PPFIA3: variants seen among roughly 807,000 people sequenced by gnomAD.
The protein encoded by PPFIA3 is liprin-alpha-3.
A neutral mutation model predicts 145.8 loss-of-function variants in PPFIA3; 26 were observed. The ratio of observed to expected loss-of-function variants is 0.18; its 90% CI spans 0.13 to 0.25. The LOEUF is 0.25. Among genes scored for constraint, PPFIA3 ranks in the 10% least tolerant of loss-of-function variants. The pLI is 1.00. For missense variants in PPFIA3, 1,008 were observed against 1,587.8 expected (o/e 0.63, Z 6.21); for synonymous variants, 645 against 661.4 (o/e 0.98, Z 0.38).
chr19:49,132,917 A>G (rs2041092327), intron 7 of PPFIA3, 84 bp from the exon 8 acceptor site: 1 of 1,529,566 alleles, frequency 6.5e-7, no homozygotes, highest in African/African-American at 1.4e-5. Context: ...ATGTCAGGGC[A>G]CTTTGTTTCC....
intron 7 of PPFIA3, among the ~76,000 whole-genome samples, chr19:49,132,390 CAAAAAA>C (rs11351172): frequency 3.2e-4 from 14 of 43,672 alleles, no homozygotes; most frequent in South Asian, 2.9e-3. Flanking sequence ...CTCTCTCTCT[CAAAAAA>C]AAAAAAAAAA....
intron 11 of PPFIA3, 80 bp from the exon 12 acceptor site, chr19:49,134,557 CTG>C: frequency 5.4e-6 from 7 of 1,306,070 alleles, no homozygotes; most frequent in Non-Finnish European, 7.8e-6. Flanking sequence ...TCAGGCCTGT[CTG>C]TGTGCACTGG....
In PPFIA3 at chr19:49,133,988, C is replaced by T; in HGVS notation, c.1246-46C>T. 17 of 1,604,874 alleles carry T rather than the reference C, an allele frequency of 1.1e-5. No homozygotes were observed. The highest frequency in any genetic ancestry group is 1.4e-5 in the Non-Finnish European group (16 of 1,175,254). ...TGGGGCTTAGAGGAAGGGCCGTGGT[C>T]TGGGCAGGGTGGGCTTAACAACCCG... On this transcript the variant is annotated intron_variant, in intron 10 of 29. Coordinates refer to ENST00000334186, the MANE Select transcript of PPFIA3 (RefSeq NM_003660.4). The surrounding 1 kb of genome is among the most constrained non-coding windows in gnomAD (Gnocchi z 7.2).
At chr19:49,146,119 GC>G (rs771488033) in intron 22 of PPFIA3, 46 bp from the exon 23 acceptor site, 6 of 1,612,622 alleles carry the variant, frequency 3.7e-6, no homozygotes, top group Non-Finnish European at 4.2e-6. Flanking sequence ...TCCTCTGCCT[GC>G]CCCTTAACTC....
At position 49,135,701 on chromosome 19, in the gene PPFIA3, A is replaced by G. The variant is rs931173065; in HGVS notation, c.1521-78A>G. 9 of 1,436,004 alleles carry G rather than the reference A, an allele frequency of 6.3e-6. No individual in the cohort carries two copies. In the African/African-American group the frequency reaches 1.1e-4, roughly 18 times the overall value. The allele number at this position is 1,436,004 out of a possible 1,614,324, so 89.0% of individuals were successfully genotyped here. Reference sequence around the variant, plus strand: ...CCTTGACTTCAGGACCCCTGGCCCTAGGTCTGTCTCTGTGACCCTTACCTC... The same window carrying G: ...CCTTGACTTCAGGACCCCTGGCCCTGGGTCTGTCTCTGTGACCCTTACCTC... On this transcript the variant is annotated intron_variant, in intron 13 of 29. Coordinates refer to ENST00000334186, the MANE Select transcript of PPFIA3 (RefSeq NM_003660.4).
chr19:49,138,453 C>T, intron 16 of PPFIA3, 26 bp downstream of exon 16: 1 of 1,480,036 alleles, frequency 6.8e-7, no homozygotes, highest in South Asian at 1.4e-5. Context: ...TCTCCCCAGC[C>T]TAGTAGGGGG....
intron 19 of PPFIA3, 81 bp from the exon 20 acceptor site, chr19:49,141,953 A>G (rs376004083): frequency 8.8e-5 from 76 of 863,170 alleles, no homozygotes; most frequent in Middle Eastern, 7.0e-4. Flanking sequence ...GTGTGTGTGT[A>G]TGTGTGCTGA....
intron 16 of PPFIA3, 112 bp from the exon 17 acceptor site, chr19:49,139,556 G>T: frequency 2.9e-6 from 3 of 1,027,386 alleles, no homozygotes; most frequent in Non-Finnish European, 4.1e-6. Flanking sequence ...TTCGTATACT[G>T]TGTTCTAAAC....
chr19:49,135,627 C>T lies in PPFIA3; in HGVS notation c.1521-152C>T, dbSNP rs1323371895. On this transcript the variant is annotated intron_variant, in intron 13 of 29. Coordinates refer to ENST00000334186, the MANE Select transcript of PPFIA3 (RefSeq NM_003660.4). ...TCAAGTTATCTGCCCACCTCAGCCT[C>T]CCAAAGTGCTGGGATTGCAGGCTTG... 8 of 771,366 alleles carry T rather than the reference C, an allele frequency of 1.0e-5. No individual in the cohort carries two copies. In the South Asian group the frequency reaches 1.9e-4, roughly 18 times the overall value. The allele number at this position is 771,366 out of a possible 1,614,324, so 47.8% of individuals were successfully genotyped here.
chr19:49,125,773 G>A (rs2040989110), intron 1 of PPFIA3, among the ~76,000 whole-genome samples: 1 of 152,114 alleles, frequency 6.6e-6, no homozygotes, highest in African/African-American at 2.4e-5. Context: ...ATGGGGAGGT[G>A]GGGGCTGGAG....
chr19:49,124,367 T>C (rs1435645953), intron 1 of PPFIA3, among the ~76,000 whole-genome samples: 1 of 152,092 alleles, frequency 6.6e-6, no homozygotes, highest in African/African-American at 2.4e-5. Flanking sequence ...CCCCCTGCTA[T>C]ATTCTGTGTT....
At chr19:49,146,069 A>C in intron 22 of PPFIA3, 64 bp downstream of exon 22, 1 of 1,605,334 alleles carries the variant, frequency 6.2e-7, no homozygotes, top group African/African-American at 1.4e-5. Flanking sequence ...GGGGGCGGGG[A>C]CCGAGTCTGT....
chr19:49,130,545 T>C lies in PPFIA3; in HGVS notation c.825T>C (p.Arg275=). The C allele has an allele frequency of 6.3e-7, 1 of 1,575,924 alleles. No homozygotes were observed. Among genetic ancestry groups the C allele is most frequent in the Non-Finnish European group, 8.6e-7 (1 of 1,161,740 alleles). The change falls in exon 7 of 30, where the codon CGT becomes CGC. Residue 275 remains arginine, a synonymous_variant. Transcript: ENST00000334186. The surrounding 1 kb of genome is among the most constrained non-coding windows in gnomAD (Gnocchi z 4.5). ...AGGAGGAGTTGGGCACCGCGCACCG[T>C]GAGCTGGGCAAGGCAGAGGAAGCCA... is the stretch of plus-strand genomic sequence containing the variant. The part of the protein sequence containing the change: ...QLEEELGTAH[R]ELGKAEEANS...
chr19:49,149,402 C>G lies in PPFIA3; in HGVS notation c.3354+77C>G. 6.3e-7 allele frequency: 1 copy of G among 1,593,834 alleles called. No homozygotes were observed. The highest frequency in any genetic ancestry group is 8.6e-7 in the Non-Finnish European group (1 of 1,163,832). Reference sequence around the variant, plus strand: ...GCTGAGCTGAGGGGGCGGGGCCTGACTATTAATGGTCACGGTTGGAGGCGG... The same window carrying G: ...GCTGAGCTGAGGGGGCGGGGCCTGAGTATTAATGGTCACGGTTGGAGGCGG... On this transcript the variant is annotated intron_variant, in intron 27 of 29. Transcript: ENST00000334186. The surrounding 1 kb of genome is among the most constrained non-coding windows in gnomAD (Gnocchi z 5.7).
Position 49,133,674 on chromosome 19 carries a change from G to C in PPFIA3, c.1162-122G>C. The stretch of plus-strand genomic sequence containing the variant: ...CGCAGGGGCGGGGCCTGACTCAAAG[G>C]TGCAGGGGAGGAGCCTGGCGCTGTG... On this transcript the variant is annotated intron_variant, in intron 9 of 29. Transcript: ENST00000334186. The surrounding 1 kb of genome is among the most constrained non-coding windows in gnomAD (Gnocchi z 7.2). 5.5e-6 allele frequency: 6 copies of C among 1,098,696 alleles called. No individual in the cohort carries two copies. The highest frequency in any genetic ancestry group is 6.8e-6 in the Non-Finnish European group (5 of 733,730). 68.1% of individuals were successfully genotyped at this position (1,098,696 alleles called of 1,614,324 possible).
chr19:49,130,544 G>A lies in PPFIA3; in HGVS notation c.824G>A (p.Arg275His), dbSNP rs144408303. ...GAGGAGGAGTTGGGCACCGCGCACC[G>A]TGAGCTGGGCAAGGCAGAGGAAGCC... ...QLEEELGTAH[R>H]ELGKAEEANS... Residue 275 changes from arginine to histidine, a missense_variant, in exon 7 of 30, where the codon CGT becomes CAT. Arg to His is a conservative substitution (Grantham distance 29). Transcript: ENST00000334186. The surrounding 1 kb of genome is among the most constrained non-coding windows in gnomAD (Gnocchi z 4.5). The A allele has an allele frequency of 5.7e-6, 9 of 1,575,942 alleles. No homozygotes were observed. The highest frequency in any genetic ancestry group is 1.3e-5 in the African/African-American group (1 of 74,320).
chr19:49,136,656 G>A (rs1351573798), intron 14 of PPFIA3, 68 bp from the exon 15 acceptor site: 2 of 1,149,932 alleles, frequency 1.7e-6, no homozygotes, highest in East Asian at 5.8e-5. Context: ...TCAGGATCAT[G>A]AGCCAAGACC....
At chr19:49,125,645 A>C (rs1320936820) in intron 1 of PPFIA3, among the ~76,000 whole-genome samples, 2 of 152,070 alleles carry the variant, frequency 1.3e-5, no homozygotes, top group East Asian at 1.9e-4. Flanking sequence ...CTGTGCACCC[A>C]GGGGCCTGGG....
intron 14 of PPFIA3, 149 bp from the exon 15 acceptor site, chr19:49,136,575 T>C: frequency 1.9e-6 from 1 of 532,834 alleles, no homozygotes; most frequent in Non-Finnish European, 2.9e-6. Context: ...TGAGACTCTG[T>C]CTCAAGAAAA....
Sources: allele counts gnomAD v4.1 joint callset (sites outside exome capture counted in the v4.1 genomes callset), GRCh38; gene constraint gnomAD v4.1.1; non-coding constraint Gnocchi (gnomAD v3.1); transcripts MANE v1.5; gene names NCBI Gene and HGNC (gene_info 2026-07-23, HGNC 2026-07-21).